Variants in MGAT5 observed in about 807,000 individuals in gnomAD.
MGAT5 encodes the protein alpha-1,6-mannosylglycoprotein 6-beta-N-acetylglucosaminyltransferase A.
A neutral mutation model predicts 94.3 loss-of-function variants in MGAT5; 30 were observed. The observed-to-expected ratio is 0.32, with a 90% confidence interval of 0.24 to 0.43. The LOEUF is 0.43. Ranked by LOEUF, MGAT5 falls within the 20% of genes least tolerant of loss-of-function variation. The pLI, the probability that MGAT5 is intolerant of heterozygous loss-of-function variation, is 1.00. For synonymous variants in MGAT5, 310 were observed against 322.9 expected (o/e 0.96, Z 0.43); for missense variants, 691 against 905.5 (o/e 0.76, Z 3.04).
At chr2:134,348,939 C>T (rs2028296) in intron 8 of MGAT5, among the ~76,000 whole-genome samples, 82,385 of 152,018 alleles carry the variant, frequency 0.54, 24,976 homozygotes, top group Admixed American at 0.66. Context: ...CTTTTTGAGC[C>T]GTATATGCAT....
chr2:134,286,812 T>C (rs543429062), intron 2 of MGAT5, among the ~76,000 whole-genome samples: 49 of 152,330 alleles, frequency 3.2e-4, no homozygotes, highest in Admixed American at 7.2e-4. Flanking sequence ...AACATGTTTT[T>C]CCCTAAACAA....
chr2:134,203,119 G>C (rs1679878007), intron 1 of MGAT5, among the ~76,000 whole-genome samples: 1 of 152,188 alleles, frequency 6.6e-6, no homozygotes, highest in African/African-American at 2.4e-5. Context: ...AGAACAGAAA[G>C]TATGTTCTTA....
chr2:134,160,760 T>A (rs1389633849), intron 1 of MGAT5, among the ~76,000 whole-genome samples: 2 of 152,240 alleles, frequency 1.3e-5, no homozygotes, highest in Non-Finnish European at 2.9e-5. Context: ...GCAGGTTACT[T>A]TAACCCTCTG....
rs536909203 is a variant in MGAT5 at position 134,310,154 on chromosome 2, G to A, written c.407-7375G>A. Among the ~76,000 whole-genome samples the A allele has an allele frequency of 5.9e-5, 9 of 152,306 alleles. No individual in the cohort carries two copies. The South Asian group carries it at 1.9e-3, about 32-fold the overall frequency. On this transcript the variant is annotated intron_variant, in intron 2 of 15. Coordinates refer to ENST00000281923, the MANE Select transcript of MGAT5 (RefSeq NM_002410.5). ...TACTGTAGCTTCTGGTTTTTATACA[G>A]CAAGTCCATGAGGCCCTTGGAGGTG...
intron 1 of MGAT5, among the ~76,000 whole-genome samples, chr2:134,231,853 C>G (rs115158445): frequency 6.6e-6 from 1 of 152,150 alleles, no homozygotes; most frequent in Non-Finnish European, 1.5e-5. Context: ...CCTGCTGTGC[C>G]GAGTTGTCTG....
intron 1 of MGAT5, among the ~76,000 whole-genome samples, chr2:134,238,682 T>A (rs4954120): frequency 2.0e-5 from 3 of 152,062 alleles, no homozygotes; most frequent in African/African-American, 7.2e-5. Context: ...GGTGGCTCAC[T>A]CCTATAATCC....
intron 2 of MGAT5, among the ~76,000 whole-genome samples, chr2:134,314,401 A>G (rs1686877917): frequency 6.6e-6 from 1 of 152,232 alleles, no homozygotes; most frequent in Non-Finnish European, 1.5e-5. Context: ...TGCTCAGTCT[A>G]GTTCTCCCTG....
chr2:134,293,836 G>T (rs1182753364), intron 2 of MGAT5, among the ~76,000 whole-genome samples: 1 of 152,178 alleles, frequency 6.6e-6, no homozygotes, highest in Admixed American at 6.5e-5. Context: ...CATGATGTGT[G>T]ATGGCTCCCA....
chr2:134,370,781 G>A (rs1418809430), intron 10 of MGAT5, among the ~76,000 whole-genome samples: 1 of 152,280 alleles, frequency 6.6e-6, no homozygotes, highest in African/African-American at 2.4e-5. Flanking sequence ...AAAATGCAAA[G>A]GGAAACATCA....
intron 2 of MGAT5, among the ~76,000 whole-genome samples, chr2:134,302,532 T>C (rs1358844386): frequency 6.6e-6 from 1 of 152,172 alleles, no homozygotes; most frequent in East Asian, 1.9e-4. Flanking sequence ...AGTTACCATC[T>C]AATGTCCTTT....
At chr2:134,419,710 A>G (rs968128829) in intron 12 of MGAT5, among the ~76,000 whole-genome samples, 4 of 152,214 alleles carry the variant, frequency 2.6e-5, no homozygotes, top group Admixed American at 1.3e-4. Context: ...CCTCACTCAT[A>G]AAGCTAAGTA....
chr2:134,175,655 C>T (rs1266525047), intron 1 of MGAT5, among the ~76,000 whole-genome samples: 1 of 152,250 alleles, frequency 6.6e-6, no homozygotes, highest in Non-Finnish European at 1.5e-5. Context: ...GTGGGTCCCA[C>T]TTGGCGGAGC....
chr2:134,327,694 A>G (rs990309090), intron 4 of MGAT5, among the ~76,000 whole-genome samples: 1 of 152,148 alleles, frequency 6.6e-6, no homozygotes, highest in African/African-American at 2.4e-5. Flanking sequence ...TAGCTGAAAT[A>G]TTAGAAAGTG....
chr2:134,403,109 A>G lies in MGAT5; in HGVS notation c.1502A>G (p.Asp501Gly). The G allele has an allele frequency of 6.2e-7, 1 of 1,607,192 alleles. No individual in the cohort carries two copies. Among genetic ancestry groups the G allele is most frequent in the Non-Finnish European group, 8.5e-7 (1 of 1,178,604 alleles). ...AACCATGGTATCCTCAGTGGACGGG[A>G]CCTGCAGTTCCTTCTTCGAGAAACC... is the stretch of plus-strand genomic sequence containing the variant. The part of the protein sequence containing the change: ...VKNHGILSGR[D>G]LQFLLRETKL... Residue 501 changes from aspartate to glycine, a missense_variant, in exon 11 of 16, where the codon GAC becomes GGC. Asp to Gly is a moderately conservative substitution (Grantham distance 94). Transcript: ENST00000281923.
chr2:134,400,508 C>G (rs913086648), intron 10 of MGAT5, among the ~76,000 whole-genome samples: 2 of 152,114 alleles, frequency 1.3e-5, no homozygotes, highest in Non-Finnish European at 2.9e-5. Flanking sequence ...CCTGAACTTG[C>G]CCCCTTGTTA....
At chr2:134,233,293 G>A (rs1214646669) in intron 1 of MGAT5, among the ~76,000 whole-genome samples, 1 of 152,146 alleles carries the variant, frequency 6.6e-6, no homozygotes, top group Non-Finnish European at 1.5e-5. Flanking sequence ...GTATTACTAT[G>A]GGTCATAATG....
intron 1 of MGAT5, among the ~76,000 whole-genome samples, chr2:134,246,548 C>T (rs1452327102): frequency 2.0e-5 from 3 of 152,222 alleles, no homozygotes; most frequent in African/African-American, 7.2e-5. Flanking sequence ...TTTCTTACAC[C>T]AGTAATCCTG....
chr2:134,158,639 G>A (rs62165700), intron 1 of MGAT5, among the ~76,000 whole-genome samples: 25,760 of 152,056 alleles, frequency 0.17, 2,360 homozygotes, highest in South Asian at 0.22. Context: ...AGGAGGTCAG[G>A]GCTCCTGCCC....
chr2:134,341,890 TAAG>T (rs1461346603), intron 7 of MGAT5, 131 bp downstream of exon 7: 1 of 709,466 alleles, frequency 1.4e-6, no homozygotes, highest in Non-Finnish European at 2.2e-6. Flanking sequence ...AAACAGGAGA[TAAG>T]AAGATTATTT....
Sources: allele counts gnomAD v4.1 joint callset (sites outside exome capture counted in the v4.1 genomes callset), GRCh38; gene constraint gnomAD v4.1.1; transcripts MANE v1.5; gene names NCBI Gene and HGNC (gene_info 2026-07-23, HGNC 2026-07-21).